Variants in TMEM45A observed in about 807,000 individuals in gnomAD.
The protein encoded by TMEM45A is transmembrane protein 45A.
Under a neutral mutation model 32.0 loss-of-function variants are expected in TMEM45A, and 25 were observed. The ratio of observed to expected loss-of-function variants is 0.78; its 90% CI spans 0.57 to 1.09. TMEM45A has a LOEUF of 1.09. Among genes scored for constraint, TMEM45A ranks in the 50% least tolerant of loss-of-function variants. The pLI, the probability that TMEM45A is intolerant of heterozygous loss-of-function variation, is 0.00. For synonymous variants in TMEM45A, 122 were observed against 114.8 expected, an observed-to-expected ratio of 1.06 and a Z score of -0.40; for missense variants, 302 against 325.0, an observed-to-expected ratio of 0.93 and a Z score of 0.54.
intron 1 of TMEM45A, among the ~76,000 whole-genome samples, chr3:100,510,168 G>A (rs1708136687): frequency 6.6e-6 from 1 of 152,240 alleles, no homozygotes; most frequent in South Asian, 2.1e-4. Context: ...TGGGGGCAGG[G>A]CACAGACAAA....
intron 1 of TMEM45A, among the ~76,000 whole-genome samples, chr3:100,507,708 C>T (rs1350508351): frequency 6.6e-6 from 1 of 151,966 alleles, no homozygotes; most frequent in Non-Finnish European, 1.5e-5. Flanking sequence ...ATGGCGAGAA[C>T]AATTCACTTA....
chr3:100,547,123 T>C (rs1159842724), intron 1 of TMEM45A, among the ~76,000 whole-genome samples: 1 of 151,948 alleles, frequency 6.6e-6, no homozygotes, highest in East Asian at 1.9e-4. Flanking sequence ...ATATACTGTA[T>C]TTTTTTTCTT....
chr3:100,510,102 TGG>T (rs1708135302), intron 1 of TMEM45A, among the ~76,000 whole-genome samples: 1 of 152,230 alleles, frequency 6.6e-6, no homozygotes, highest in Non-Finnish European at 1.5e-5. Context: ...AAGCTCGAAC[TGG>T]GTGGAGCCCA....
chr3:100,570,031 A>T (rs753621125), intron 5 of TMEM45A, among the ~76,000 whole-genome samples: 3 of 152,084 alleles, frequency 2.0e-5, no homozygotes, highest in Non-Finnish European at 4.4e-5. Context: ...AGGCATGAAG[A>T]CTCCAGCACC....
chr3:100,565,773 G>A, intron 4 of TMEM45A, among the ~76,000 whole-genome samples: 1 of 151,904 alleles, frequency 6.6e-6, no homozygotes, highest in East Asian at 1.9e-4. Flanking sequence ...TTGTTTATTG[G>A]GATAAAACTT....
chr3:100,509,812 C>T (rs896951001), intron 1 of TMEM45A, among the ~76,000 whole-genome samples: 1 of 152,180 alleles, frequency 6.6e-6, no homozygotes, highest in Non-Finnish European at 1.5e-5. Flanking sequence ...TCGGGAAGTG[C>T]AAGGGGTCAG....
intron 1 of TMEM45A, among the ~76,000 whole-genome samples, chr3:100,515,519 C>A (rs1434643182): frequency 6.7e-6 from 1 of 149,592 alleles, no homozygotes; most frequent in Non-Finnish European, 1.5e-5. Flanking sequence ...GGGAGATATA[C>A]CTAATGCTAG....
At chr3:100,531,846 A>G (rs1307331731) in intron 1 of TMEM45A, among the ~76,000 whole-genome samples, 2 of 152,182 alleles carry the variant, frequency 1.3e-5, no homozygotes. Context: ...ATTTTTTGTT[A>G]TATTTGAGAT....
At chr3:100,515,202 C>T (rs1265857324) in intron 1 of TMEM45A, among the ~76,000 whole-genome samples, 1 of 152,024 alleles carries the variant, frequency 6.6e-6, no homozygotes, top group African/African-American at 2.4e-5. Context: ...TCATTATTCT[C>T]CAATAGCAAA....
At position 100,508,810 on chromosome 3, in the gene TMEM45A, A is replaced by T. The variant is rs75067510; in HGVS notation, c.-4+15882A>T. Among the ~76,000 whole-genome samples the T allele has an allele frequency of 5.7e-3, 845 of 148,638 alleles. 5 individuals carry two copies. The highest frequency in any genetic ancestry group is 0.018 in the African/African-American group (708 of 39,482). On this transcript the variant is annotated intron_variant, in intron 1 of 5. Coordinates refer to ENST00000323523, the MANE Select transcript of TMEM45A (RefSeq NM_018004.3). ...ATAGACCCCTGTCTCTCACTATATA[A>T]AAAAAAAAAACTCAAAATGGATTAA...
At chr3:100,541,212 G>A (rs1559645203) in intron 1 of TMEM45A, among the ~76,000 whole-genome samples, 1 of 152,106 alleles carries the variant, frequency 6.6e-6, no homozygotes, top group Non-Finnish European at 1.5e-5. Flanking sequence ...GTTCCTTGTA[G>A]ATTCTGGGTG....
At chr3:100,503,713 T>C (rs1708038720) in intron 1 of TMEM45A, among the ~76,000 whole-genome samples, 1 of 152,212 alleles carries the variant, frequency 6.6e-6, no homozygotes, top group Non-Finnish European at 1.5e-5. Flanking sequence ...AACTAATGAC[T>C]GAGTGACTGT....
intron 2 of TMEM45A, among the ~76,000 whole-genome samples, chr3:100,556,240 C>T (rs1049995318): frequency 7.2e-5 from 11 of 152,146 alleles, no homozygotes; most frequent in Admixed American, 3.9e-4. Flanking sequence ...CTCGGCCTCC[C>T]GAAGTGTTGG....
At chr3:100,572,480 A>T (rs1378585735) in intron 5 of TMEM45A, 4 of 150,908 alleles carry the variant, frequency 2.7e-5, no homozygotes, top group Admixed American at 2.6e-4. Flanking sequence ...GTTTGAGTTC[A>T]TTGTAGATTC....
intron 1 of TMEM45A, among the ~76,000 whole-genome samples, chr3:100,496,941 T>C (rs1304159255): frequency 3.9e-5 from 6 of 152,232 alleles, no homozygotes; most frequent in Admixed American, 2.0e-4. Context: ...TCAGTTTCTC[T>C]TTTTATTTCT....
At chr3:100,552,794 T>G (rs1187133876) in intron 1 of TMEM45A, among the ~76,000 whole-genome samples, 1 of 152,178 alleles carries the variant, frequency 6.6e-6, no homozygotes, top group East Asian at 1.9e-4. Context: ...CCTCATAGTA[T>G]GTAAGGCAGT....
intron 5 of TMEM45A, among the ~76,000 whole-genome samples, chr3:100,569,789 T>A (rs1706522696): frequency 6.6e-6 from 1 of 152,242 alleles, no homozygotes; most frequent in South Asian, 2.1e-4. Context: ...CCATGAGGAA[T>A]TTTTAGTCTT....
intron 1 of TMEM45A, among the ~76,000 whole-genome samples, chr3:100,503,051 T>C (rs1327566635): frequency 6.6e-6 from 1 of 151,536 alleles, no homozygotes; most frequent in African/African-American, 2.4e-5. Flanking sequence ...CTTCTCCTTC[T>C]TCCTCTCTTT....
intron 1 of TMEM45A, chr3:100,519,716 A>G: frequency 8.7e-7 from 1 of 1,153,614 alleles, no homozygotes; most frequent in Non-Finnish European, 1.3e-6. Flanking sequence ...TGTATTTATG[A>G]CATTGTGCAA....
Sources: gnomAD v4.1 joint callset for allele counts (sites outside exome capture counted in the v4.1 genomes callset) on GRCh38, gnomAD v4.1.1 for gene constraint, MANE v1.5 for transcripts, NCBI Gene and HGNC (gene_info 2026-07-23, HGNC 2026-07-21) for gene names.